The following MTMR9 variants were observed in gnomAD, a reference collection of about 807,000 sequenced individuals.
MTMR9 encodes myotubularin related protein 9.
In MTMR9, 39 loss-of-function variants were observed where a neutral mutation model predicts 69.5. The observed-to-expected ratio is 0.56, with a 90% confidence interval of 0.43 to 0.73. MTMR9 has a LOEUF of 0.73. Ranked by LOEUF, MTMR9 falls within the 30% of genes least tolerant of loss-of-function variation. The pLI is 0.00. For missense variants in MTMR9, 900 were observed against 671.2 expected (o/e 1.34, Z -3.77); for synonymous variants, 354 against 240.8 (o/e 1.47, Z -4.35).
rs769963819 is a variant in MTMR9, at chr8:11,300,086, G to A, written c.355G>A (p.Val119Met). The change falls in exon 3 of 10, where the codon GTG (valine) becomes ATG (methionine). Residue 119 changes from valine (V) to methionine (M), a missense_variant. By Grantham distance (21) the Val-to-Met change is conservative. Coordinates refer to ENST00000221086, the MANE Select transcript of MTMR9 (RefSeq NM_015458.4). The stretch of plus-strand genomic sequence containing the variant: ...TTTCTTTTACCGTCCTATGTTTGAA[G>A]TGATAGAAGATGGCTGGCATTCCTT... The part of the protein sequence containing the change: ...YPFFYRPMFE[V>M]IEDGWHSFLP... 6.2e-7 allele frequency: 1 copy of A among 1,613,600 alleles called. No individual in the cohort carries two copies. The highest frequency in any genetic ancestry group is 1.3e-5 in the African/African-American group (1 of 74,882).
At position 11,292,611 on chromosome 8, in the gene MTMR9, C is replaced by T. The variant is rs147248281; in HGVS notation, c.183-2583C>T. On this transcript the variant is annotated intron_variant, in intron 1 of 9. Coordinates refer to ENST00000221086, the MANE Select transcript of MTMR9 (RefSeq NM_015458.4). ...TGACTAGTGGTGTAGGGCATCTTTT[C>T]ATATGCTTATTTGCCATCCATATGT... Among the ~76,000 whole-genome samples, 497 of 152,276 alleles carry T rather than the reference C, an allele frequency of 3.3e-3. 2 individuals carry two copies. The highest frequency in any genetic ancestry group is 0.011 in the African/African-American group (476 of 41,548).
intron 1 of MTMR9, among the ~76,000 whole-genome samples, chr8:11,286,176 A>G (rs1361391605): frequency 1.3e-5 from 2 of 148,712 alleles, no homozygotes; most frequent in African/African-American, 4.9e-5. Flanking sequence ...CTGGTCTTGA[A>G]CTCCTGACCT....
chr8:11,307,991 T>C (rs1800029785), intron 5 of MTMR9, among the ~76,000 whole-genome samples: 1 of 152,232 alleles, frequency 6.6e-6, no homozygotes, highest in Admixed American at 6.5e-5. Flanking sequence ...TCCCATTCCA[T>C]AGGTTGTCTC....
At chr8:11,332,034 A>G (rs1335935217), downstream of MTMR9, 12 of 1,611,758 alleles carry the variant, frequency 7.4e-6, no homozygotes, top group Non-Finnish European at 8.5e-6. Context: ...ACTTTCTGAC[A>G]TCATGGGGGC....
At position 11,284,845 on chromosome 8, in the gene MTMR9, C is replaced by T; in HGVS notation, c.-44C>T. 1 of 1,540,694 alleles carries T rather than the reference C, an allele frequency of 6.5e-7. No individual in the cohort carries two copies. The highest frequency in any genetic ancestry group is 8.8e-7 in the Non-Finnish European group (1 of 1,139,472). ...CTTCCCTGCGGCGGGGTAACCGCCT[C>T]GCACCTACCGGGCTCGGTTCCCTGG... On this transcript the variant is annotated 5_prime_UTR_variant, in exon 1 of 10. Coordinates refer to ENST00000221086, the MANE Select transcript of MTMR9 (RefSeq NM_015458.4).
chr8:11,314,534 T>C (rs1484940144), intron 6 of MTMR9, among the ~76,000 whole-genome samples: 1 of 152,216 alleles, frequency 6.6e-6, no homozygotes, highest in African/African-American at 2.4e-5. Flanking sequence ...GTCTATAGTT[T>C]TGATGAGAAG....
intron 1 of MTMR9, among the ~76,000 whole-genome samples, chr8:11,288,344 ATT>A (rs1491165254): frequency 7.1e-6 from 1 of 140,482 alleles, no homozygotes; most frequent in East Asian, 2.0e-4. Context: ...TATATAATAT[ATT>A]TATATATATA....
rs1033959078 is a variant in MTMR9, at chr8:11,314,103, G to A, written c.972-820G>A. Among the ~76,000 whole-genome samples, 3 of 152,182 alleles carry A rather than the reference G, an allele frequency of 2.0e-5. No homozygotes were observed. The South Asian group carries it at 6.2e-4, about 32-fold the overall frequency. ...GAGTGAGAATAGAGGAAATTGCCTC[G>A]TATTAAAGCTCTATGTAGTGTATAT... On this transcript the variant is annotated intron_variant, in intron 6 of 9. Coordinates refer to ENST00000221086, the MANE Select transcript of MTMR9 (RefSeq NM_015458.4).
At chr8:11,286,830 C>G (rs1275715527) in intron 1 of MTMR9, among the ~76,000 whole-genome samples, 1 of 152,076 alleles carries the variant, frequency 6.6e-6, no homozygotes, top group Non-Finnish European at 1.5e-5. Flanking sequence ...TTCATGAACG[C>G]TTTTTACCAG....
rs1800110456 is a variant in MTMR9, at chr8:11,309,611, A to G, written c.894A>G (p.Lys298=). 1 of 1,613,958 alleles carries G rather than the reference A, an allele frequency of 6.2e-7. No individual in the cohort carries two copies. Among genetic ancestry groups the G allele is most frequent in the Non-Finnish European group, 8.5e-7 (1 of 1,179,904 alleles). The part of the protein sequence containing the change: ...QTHNMDRWLS[K]LEASNWLTHI... Reference sequence around the variant, plus strand: ...ATAACATGGACCGATGGCTCAGTAAATTGGAGGCCTCTAACTGGCTGACTC... The same window carrying G: ...ATAACATGGACCGATGGCTCAGTAAGTTGGAGGCCTCTAACTGGCTGACTC... The change falls in exon 6 of 10, where the codon AAA becomes AAG. Residue 298 remains lysine, a synonymous_variant. Transcript: ENST00000221086.
chr8:11,335,142 C>G, the MTMR9 span, among the ~76,000 whole-genome samples: 5 of 152,122 alleles, frequency 3.3e-5, no homozygotes, highest in Non-Finnish European at 5.9e-5. Context: ...TCTTTGTTCA[C>G]AGATGATATG....
At chr8:11,314,089 G>C (rs1414654397) in intron 6 of MTMR9, among the ~76,000 whole-genome samples, 5 of 152,186 alleles carry the variant, frequency 3.3e-5, no homozygotes, top group African/African-American at 4.8e-5. Context: ...AGTGAGAATA[G>C]AGGAAATTGC....
chr8:11,322,622 T>G lies in MTMR9; in HGVS notation c.1487-3T>G. ...TTCTGTTTTCCATTCCTGGATTCAA[T>G]AGGTATTTTCCTACGTTGGAATAGA... is the stretch of plus-strand genomic sequence containing the variant. On this transcript the variant is annotated splice_region_variant and splice_polypyrimidine_tract_variant and intron_variant, in intron 9 of 9. Transcript: ENST00000221086. 3.7e-6 allele frequency: 6 copies of G among 1,612,782 alleles called. No individual in the cohort carries two copies. Among genetic ancestry groups the G allele is most frequent in the Non-Finnish European group, 5.1e-6 (6 of 1,179,336 alleles).
chr8:11,312,859 A>G (rs1331687736), intron 6 of MTMR9, among the ~76,000 whole-genome samples: 1 of 152,346 alleles, frequency 6.6e-6, no homozygotes, highest in African/African-American at 2.4e-5. Flanking sequence ...CAGAAAAACA[A>G]CATTCATCTC....
rs141424241 is a variant in MTMR9 at position 11,325,959 on chromosome 8, T to G, written c.*3171T>G. The G allele has an allele frequency of 6.6e-6, 1 of 152,328 alleles. No homozygotes were observed. The highest frequency in any genetic ancestry group is 1.9e-4 in the East Asian group (1 of 5,186). The allele number at this position is 152,328 out of a possible 1,614,324, so 9.4% of individuals were successfully genotyped here. The stretch of plus-strand genomic sequence containing the variant: ...ATGTCAGATCCCATATGGGGGATTT[T>G]TAAACATTTCTTTGAACTTTGAGGC... On this transcript the variant is annotated 3_prime_UTR_variant, in exon 10 of 10. Transcript: ENST00000221086.
chr8:11,331,022 C>T (rs1039099411), downstream of MTMR9: 47 of 1,508,502 alleles, frequency 3.1e-5, no homozygotes, highest in Admixed American at 4.8e-5. Context: ...GAACCCCACC[C>T]GCACTCCAAT....
intron 6 of MTMR9, among the ~76,000 whole-genome samples, chr8:11,311,554 A>T (rs1021533661): frequency 3.3e-5 from 5 of 152,232 alleles, no homozygotes; most frequent in Non-Finnish European, 7.3e-5. Flanking sequence ...ATTATGTCTA[A>T]AAAAACAATA....
chr8:11,303,130 C>T (rs1002161347), intron 3 of MTMR9, among the ~76,000 whole-genome samples: 1 of 148,204 alleles, frequency 6.7e-6, no homozygotes, highest in African/African-American at 2.5e-5. Context: ...ACCAAAAGAC[C>T]AAGAGGAGCC....
intron 5 of MTMR9, among the ~76,000 whole-genome samples, chr8:11,308,331 A>C (rs538157242): frequency 3.3e-5 from 5 of 152,270 alleles, no homozygotes; most frequent in African/African-American, 1.2e-4. Flanking sequence ...ACTTTTTCAA[A>C]CATCAATTTA....
Sources: allele counts gnomAD v4.1 joint callset (sites outside exome capture counted in the v4.1 genomes callset), GRCh38; gene constraint gnomAD v4.1.1; transcripts MANE v1.5; gene names NCBI Gene and HGNC (gene_info 2026-07-23, HGNC 2026-07-21).